KYNU: variants seen among roughly 807,000 people sequenced by gnomAD.
KYNU encodes L-kynurenine hydrolase.
Under a neutral mutation model 59.2 loss-of-function variants are expected in KYNU, and 54 were observed. The observed-to-expected ratio is 0.91, with a 90% CI of 0.73 to 1.14. The LOEUF is 1.14. KYNU is among the 50% of genes most tolerant of loss of function. The probability of loss-of-function intolerance (pLI) is 0.00; values close to 1 mark genes in which losing one functional copy is unlikely to be tolerated. For missense variants in KYNU, 567 were observed against 554.4 expected (o/e 1.02, Z -0.23); for synonymous variants, 177 against 192.0 (o/e 0.92, Z 0.65).
At chr2:142,938,056 G>A (rs186953957) in intron 4 of KYNU, among the ~76,000 whole-genome samples, 292 of 152,102 alleles carry the variant, frequency 1.9e-3, no homozygotes, top group Non-Finnish European at 2.3e-3. Flanking sequence ...TTTTTTTTAC[G>A]GGTTAGAGTA....
chr2:142,877,961 A>G (rs1681154155), intron 1 of KYNU, among the ~76,000 whole-genome samples: 1 of 152,198 alleles, frequency 6.6e-6, no homozygotes, highest in Admixed American at 6.5e-5. Flanking sequence ...TTACTAATGT[A>G]ATAGAAAAGA....
intron 10 of KYNU, among the ~76,000 whole-genome samples, chr2:143,003,043 G>A (rs1386540883): frequency 6.6e-6 from 1 of 152,050 alleles, no homozygotes; most frequent in Non-Finnish European, 1.5e-5. Context: ...CCTTAATGGG[G>A]GAGTCACAAT....
intron 10 of KYNU, among the ~76,000 whole-genome samples, chr2:143,001,630 C>G (rs1685710452): frequency 1.3e-5 from 2 of 152,144 alleles, no homozygotes; most frequent in Non-Finnish European, 2.9e-5. Flanking sequence ...GTTTTACTCC[C>G]TCCTTCAACT....
chr2:142,918,577 T>TA, intron 2 of KYNU, 32 bp from the exon 3 acceptor site: 4 of 1,399,860 alleles, frequency 2.9e-6, no homozygotes, highest in East Asian at 5.2e-5. Flanking sequence ...CTTTTATTTT[T>TA]TTTTTTTTTT....
intron 8 of KYNU, among the ~76,000 whole-genome samples, chr2:142,981,475 G>T (rs541674513): frequency 6.6e-6 from 1 of 152,226 alleles, no homozygotes; most frequent in East Asian, 1.9e-4. Flanking sequence ...ATAAATGTGT[G>T]TGGAGGGGTG....
intron 10 of KYNU, among the ~76,000 whole-genome samples, chr2:143,010,759 A>T (rs1014492538): frequency 6.8e-6 from 1 of 147,422 alleles, no homozygotes; most frequent in African/African-American, 2.5e-5. Flanking sequence ...ATAATGCCGC[A>T]TACCTACAAC....
chr2:143,014,385 C>T (rs1453318788), intron 10 of KYNU, among the ~76,000 whole-genome samples: 1 of 152,158 alleles, frequency 6.6e-6, no homozygotes, highest in Non-Finnish European at 1.5e-5. Flanking sequence ...CCAGCAGGAG[C>T]AAATTTGGTT....
rs1234775428 is a variant in KYNU at position 143,048,337 on chromosome 2, T to C, written c.*6165T>C. ...TATAATGAAGTTTAGAATTAGCCAT[T>C]TTTTATAACTCTCCTTCTGACTAGT... On this transcript the variant is annotated 3_prime_UTR_variant, in exon 14 of 14. Transcript: ENST00000264170. 1 of 152,170 alleles carries C rather than the reference T, an allele frequency of 6.6e-6. No homozygotes were observed. Among genetic ancestry groups the C allele is most frequent in the African/African-American group, 2.4e-5 (1 of 41,438 alleles). 9.4% of individuals were successfully genotyped at this position (152,170 alleles called of 1,614,324 possible).
At chr2:143,000,140 C>G (rs528658386) in intron 10 of KYNU, among the ~76,000 whole-genome samples, 2 of 152,060 alleles carry the variant, frequency 1.3e-5, no homozygotes, top group Admixed American at 6.6e-5. Context: ...ACATATAATA[C>G]GAAATATTCC....
intron 4 of KYNU, among the ~76,000 whole-genome samples, chr2:142,941,660 C>T (rs1436552205): frequency 1.3e-5 from 2 of 152,074 alleles, no homozygotes; most frequent in East Asian, 3.9e-4. Context: ...GAGTTTAGAG[C>T]CACAGGAATT....
At chr2:143,012,250 G>A (rs990357898) in intron 10 of KYNU, among the ~76,000 whole-genome samples, 1 of 152,086 alleles carries the variant, frequency 6.6e-6, no homozygotes, top group African/African-American at 2.4e-5. Context: ...GGGAGGCCGA[G>A]GCGGGTGGAT....
At chr2:143,040,095 A>G (rs1404815172) in intron 12 of KYNU, among the ~76,000 whole-genome samples, 1 of 151,908 alleles carries the variant, frequency 6.6e-6, no homozygotes, top group East Asian at 1.9e-4. Context: ...TAATGTAACC[A>G]CTCGGTCAGT....
intron 2 of KYNU, among the ~76,000 whole-genome samples, chr2:142,899,800 G>A (rs1169970401): frequency 6.6e-6 from 1 of 152,224 alleles, no homozygotes; most frequent in African/African-American, 2.4e-5. Context: ...GGCCTGAAGT[G>A]CAGGGGAATA....
intron 10 of KYNU, among the ~76,000 whole-genome samples, chr2:142,987,213 A>T (rs1263317928): frequency 6.6e-6 from 1 of 151,948 alleles, no homozygotes; most frequent in Non-Finnish European, 1.5e-5. Flanking sequence ...ATGATGACTC[A>T]CAACCCTGGC....
intron 4 of KYNU, 42 bp downstream of exon 4, chr2:142,927,783 G>A: frequency 1.5e-6 from 2 of 1,297,712 alleles, no homozygotes; most frequent in South Asian, 1.2e-5. Context: ...GAATTGTAAA[G>A]ATGTTATCAT....
intron 10 of KYNU, among the ~76,000 whole-genome samples, chr2:143,017,756 T>G (rs1449754033): frequency 6.6e-6 from 1 of 152,034 alleles, no homozygotes; most frequent in African/African-American, 2.4e-5. Flanking sequence ...AACCTTTTCA[T>G]AGTAGCCATC....
chr2:143,007,402 C>CT (rs1474228946), intron 10 of KYNU, among the ~76,000 whole-genome samples: 1 of 144,310 alleles, frequency 6.9e-6, no homozygotes, highest in African/African-American at 2.7e-5. Context: ...AAATATGGGA[C>CT]TATGTGAAAA....
chr2:142,878,411 T>C (rs948405672), intron 1 of KYNU, among the ~76,000 whole-genome samples: 3 of 152,144 alleles, frequency 2.0e-5, no homozygotes, highest in African/African-American at 7.2e-5. Context: ...AGCAGAGTAA[T>C]GTTACCCATT....
chr2:142,916,687 C>T (rs915817442), intron 2 of KYNU, among the ~76,000 whole-genome samples: 20 of 152,288 alleles, frequency 1.3e-4, no homozygotes, highest in Admixed American at 1.3e-3. Flanking sequence ...CACCTTACCC[C>T]CCTTTTCCTC....
Sources: allele counts gnomAD v4.1 joint callset (sites outside exome capture counted in the v4.1 genomes callset), GRCh38; gene constraint gnomAD v4.1.1; transcripts MANE v1.5; gene names NCBI Gene and HGNC (gene_info 2026-07-23, HGNC 2026-07-21).